SLC35D1: variants seen among roughly 807,000 people sequenced by gnomAD.
SLC35D1 encodes nucleotide sugar transporter SLC35D1.
In SLC35D1, 31 loss-of-function variants were observed where a neutral mutation model predicts 46.7. The observed-to-expected ratio is 0.66, with a 90% confidence interval of 0.50 to 0.90. SLC35D1 has a LOEUF of 0.90. Among genes scored for constraint, SLC35D1 ranks in the 40% least tolerant of loss-of-function variants. The pLI, the probability that SLC35D1 is intolerant of heterozygous loss-of-function variation, is 0.00. For synonymous variants in SLC35D1, 195 were observed against 164.6 expected (o/e 1.18, Z -1.41); for missense variants, 397 against 426.2 (o/e 0.93, Z 0.60).
the SLC35D1 span, chr1:66,985,077 A>T: frequency 7.4e-7 from 1 of 1,346,920 alleles, no homozygotes. Flanking sequence ...TTTACTTTAA[A>T]GCTGTCAGAC....
chr1:66,974,079 A>C, the SLC35D1 span, among the ~76,000 whole-genome samples: 1 of 151,868 alleles, frequency 6.6e-6, no homozygotes, highest in Non-Finnish European at 1.5e-5. Context: ...TGCATTAACT[A>C]GTTTATTCTT....
At chr1:66,978,067 A>T in the SLC35D1 span, among the ~76,000 whole-genome samples, 3 of 151,920 alleles carry the variant, frequency 2.0e-5, no homozygotes, top group African/African-American at 7.3e-5. Context: ...GTGGTGGTGC[A>T]CGCCTATAGT....
chr1:66,997,995 C>G (rs1312017726), downstream of SLC35D1, among the ~76,000 whole-genome samples: 2 of 151,766 alleles, frequency 1.3e-5, no homozygotes, highest in African/African-American at 4.8e-5. Flanking sequence ...CATATCACAT[C>G]CATTAGGACG....
chr1:66,997,519 A>AAATATATAT (rs1553262615), downstream of SLC35D1, among the ~76,000 whole-genome samples: 77 of 74,030 alleles, frequency 1.0e-3, 1 homozygote, highest in South Asian at 7.5e-3. Flanking sequence ...AAAAAAAAAA[A>AAATATATAT]ATATATATAT....
chr1:66,985,814 A>ATTTT, the SLC35D1 span: 14 of 630,406 alleles, frequency 2.2e-5, no homozygotes, highest in East Asian at 1.5e-4. Flanking sequence ...GGATTATAAA[A>ATTTT]TTTTTTTTTT....
chr1:67,021,392 A>T, intron 9 of SLC35D1, 143 bp downstream of exon 9: 1 of 889,194 alleles, frequency 1.1e-6, no homozygotes. Flanking sequence ...CCCAAGAGCT[A>T]TGAAACCACC....
At chr1:67,050,206 G>C in intron 5 of SLC35D1, among the ~76,000 whole-genome samples, 1 of 152,066 alleles carries the variant, frequency 6.6e-6, no homozygotes, top group East Asian at 1.9e-4. Flanking sequence ...CAGTAGTACA[G>C]AAATTCTAGA....
intron 9 of SLC35D1, among the ~76,000 whole-genome samples, 186 bp downstream of exon 9, chr1:67,021,349 A>G (rs931306800): frequency 1.3e-5 from 2 of 152,122 alleles, no homozygotes; most frequent in African/African-American, 4.8e-5. Context: ...TCATCCTTCT[A>G]AGGTATCAAT....
At chr1:67,027,787 A>G (rs1667942685) in intron 8 of SLC35D1, among the ~76,000 whole-genome samples, 1 of 152,202 alleles carries the variant, frequency 6.6e-6, no homozygotes, top group Non-Finnish European at 1.5e-5. Context: ...GCTGGAGTGC[A>G]GAGGTGCTAT....
At chr1:67,008,780 A>AT (rs1161466785) in intron 11 of SLC35D1, among the ~76,000 whole-genome samples, 32 of 151,680 alleles carry the variant, frequency 2.1e-4, no homozygotes, top group African/African-American at 6.5e-4. Flanking sequence ...TAATTTTGTC[A>AT]TTTTTTTTGT....
At chr1:67,040,178 G>A (rs574029617) in intron 8 of SLC35D1, among the ~76,000 whole-genome samples, 7 of 152,058 alleles carry the variant, frequency 4.6e-5, no homozygotes, top group Admixed American at 4.6e-4. Flanking sequence ...GGAATTTTTT[G>A]TAGAGATGGA....
At chr1:67,044,005 C>T (rs1323764744) in intron 7 of SLC35D1, among the ~76,000 whole-genome samples, 1 of 152,122 alleles carries the variant, frequency 6.6e-6, no homozygotes, top group East Asian at 1.9e-4. Flanking sequence ...TCAAAAGCAG[C>T]ACTGAAAAAT....
the SLC35D1 span, chr1:66,984,498 C>A: frequency 9.5e-7 from 1 of 1,050,536 alleles, no homozygotes; most frequent in Non-Finnish European, 1.4e-6. Flanking sequence ...ACAATAACTA[C>A]AAGCTGTTTT....
Position 67,021,579 on chromosome 1 carries a change from A to G in SLC35D1, c.753T>C (p.Ala251=), listed in dbSNP as rs1667799327. 1.6e-5 allele frequency: 26 copies of G among 1,614,066 alleles called. No homozygotes were observed. The highest frequency in any genetic ancestry group is 2.2e-5 in the Non-Finnish European group (26 of 1,179,940). ...TGAACTGCAGAAGAAAGAGGGTGTCAGCCCAGCCTTCAAACTCCACAGCCT... is the reference window on the plus strand; with the variant it reads ...TGAACTGCAGAAGAAAGAGGGTGTCGGCCCAGCCTTCAAACTCCACAGCCT... ...AQKAVEFEGW[A]DTLFLLQFTL... is the part of the protein sequence containing the mutation. Residue 251 remains alanine (A), a synonymous_variant, in exon 9 of 12, where the codon GCT becomes GCC. Coordinates refer to ENST00000235345, the MANE Select transcript of SLC35D1 (RefSeq NM_015139.3).
At chr1:66,973,131 T>C in the SLC35D1 span, 1 of 582,886 alleles carries the variant, frequency 1.7e-6, no homozygotes, top group African/African-American at 1.9e-5. Flanking sequence ...AGTGAGTAAT[T>C]ATAGTAAGGC....
At chr1:66,991,515 G>GTAA in the SLC35D1 span, among the ~76,000 whole-genome samples, 2 of 152,154 alleles carry the variant, frequency 1.3e-5, no homozygotes, top group Non-Finnish European at 2.9e-5. Flanking sequence ...GACAAACTTA[G>GTAA]GAAGTGTTTC....
chr1:67,042,149 T>C, intron 8 of SLC35D1, 87 bp downstream of exon 8: 1 of 1,291,138 alleles, frequency 7.7e-7, no homozygotes, highest in Non-Finnish European at 1.1e-6. Flanking sequence ...AGCATATTTC[T>C]TTTGAACAAC....
At chr1:67,047,448 C>A in intron 6 of SLC35D1, 81 bp from the exon 7 acceptor site, 2 of 1,159,142 alleles carry the variant, frequency 1.7e-6, no homozygotes, top group Non-Finnish European at 1.3e-6. Context: ...AAAATATTTA[C>A]AAGAACATAT....
intron 11 of SLC35D1, among the ~76,000 whole-genome samples, chr1:67,007,107 G>C (rs191753798): frequency 1.3e-5 from 2 of 152,116 alleles, no homozygotes; most frequent in Admixed American, 1.3e-4. Flanking sequence ...CTGACACTCA[G>C]AACCAGAGGG....
Sources: allele counts gnomAD v4.1 joint callset (sites outside exome capture counted in the v4.1 genomes callset), GRCh38; gene constraint gnomAD v4.1.1; transcripts MANE v1.5; gene names NCBI Gene and HGNC (gene_info 2026-07-23, HGNC 2026-07-21).